Variants in AGMO observed in about 807,000 individuals in gnomAD.
AGMO encodes the protein glyceryl-ether monooxygenase.
In AGMO, 75 loss-of-function variants were observed where a neutral mutation model predicts 60.2. The observed-to-expected ratio is 1.25, with a 90% confidence interval of 1.03 to 1.51. The LOEUF is 1.51. AGMO is among the 40% of genes most tolerant of loss of function. The pLI is 0.00. For missense variants in AGMO, 763 were observed against 525.5 expected, an observed-to-expected ratio of 1.45 and a Z score of -4.42; for synonymous variants, 261 against 177.1, an observed-to-expected ratio of 1.47 and a Z score of -3.76.
chr7:15,177,871 T>G, the AGMO span, among the ~76,000 whole-genome samples: 3 of 152,174 alleles, frequency 2.0e-5, no homozygotes, highest in Non-Finnish European at 4.4e-5. Context: ...GAGTGTTTAC[T>G]ACATAATGAT....
chr7:15,417,236 G>GA (rs1346978856), intron 5 of AGMO, among the ~76,000 whole-genome samples: 1 of 152,122 alleles, frequency 6.6e-6, no homozygotes, highest in Non-Finnish European at 1.5e-5. Flanking sequence ...CATTGCTTTT[G>GA]AAGTGGAAAT....
intron 12 of AGMO, among the ~76,000 whole-genome samples, chr7:15,265,095 G>C (rs1252479772): frequency 6.6e-6 from 1 of 152,056 alleles, no homozygotes; most frequent in Non-Finnish European, 1.5e-5. Context: ...GGAATACTAT[G>C]CAACTATTAA....
rs1320338701 is a variant in AGMO, at chr7:15,394,091, A to G, written c.676+22T>C. The G allele has an allele frequency of 6.4e-6, 10 of 1,567,874 alleles. No homozygotes were observed. In the Middle Eastern group the frequency reaches 5.0e-4, roughly 79 times the overall value. Reference sequence around the variant, plus strand: ...ATTTTTAGAGAAATGAAGAAAAGAGAGAAGAAACAAAACTTCCTTACCATG... The same window carrying G: ...ATTTTTAGAGAAATGAAGAAAAGAGGGAAGAAACAAAACTTCCTTACCATG... On this transcript the variant is annotated intron_variant, in intron 6 of 12. Transcript: ENST00000342526.
the AGMO span, among the ~76,000 whole-genome samples, chr7:15,125,267 T>C: frequency 6.6e-6 from 1 of 152,104 alleles, no homozygotes; most frequent in Non-Finnish European, 1.5e-5. Flanking sequence ...GAGTTTGCCC[T>C]CAGAGCACAG....
intron 3 of AGMO, among the ~76,000 whole-genome samples, chr7:15,517,793 A>T (rs1406814085): frequency 6.6e-6 from 1 of 151,736 alleles, no homozygotes; most frequent in East Asian, 1.9e-4. Flanking sequence ...TTTGTACCCC[A>T]GTGGTGCCTG....
downstream of AGMO, among the ~76,000 whole-genome samples, chr7:15,198,257 C>CAGAGAGAGAGAGAGAGAGAGAGAGAGAG (rs1229360945): frequency 1.8e-5 from 1 of 56,534 alleles, no homozygotes; most frequent in Admixed American, 2.0e-4. Flanking sequence ...GAGAGAGAGA[C>CAGAGAGAGAGAGAGAGAGAGAGAGAGAG]AGAGACAGAG....
At chr7:15,511,245 T>C (rs953969196) in intron 3 of AGMO, among the ~76,000 whole-genome samples, 6 of 152,120 alleles carry the variant, frequency 3.9e-5, no homozygotes. Flanking sequence ...CAGGACCATG[T>C]AGACATGCCA....
chr7:15,444,805 C>T (rs1018377835), intron 3 of AGMO, among the ~76,000 whole-genome samples: 1 of 152,168 alleles, frequency 6.6e-6, no homozygotes, highest in African/African-American at 2.4e-5. Context: ...CTGCAGCTCT[C>T]TGTTGAACTC....
At chr7:15,507,448 A>G (rs2128528443) in intron 3 of AGMO, among the ~76,000 whole-genome samples, 1 of 152,240 alleles carries the variant, frequency 6.6e-6, no homozygotes, top group South Asian at 2.1e-4. Context: ...ATTACGTAGG[A>G]CAGAGGCATA....
At chr7:15,340,439 A>C (rs1781806145) in intron 12 of AGMO, among the ~76,000 whole-genome samples, 1 of 152,114 alleles carries the variant, frequency 6.6e-6, no homozygotes, top group South Asian at 2.1e-4. Flanking sequence ...TACATAACAA[A>C]TTTTGGGCTT....
chr7:15,165,394 T>C, the AGMO span, among the ~76,000 whole-genome samples: 1 of 152,130 alleles, frequency 6.6e-6, no homozygotes, highest in Non-Finnish European at 1.5e-5. Flanking sequence ...ATTAAAAAAT[T>C]CTGAAAGTTA....
chr7:15,417,251 C>G (rs1780798781), intron 5 of AGMO, among the ~76,000 whole-genome samples: 2 of 152,088 alleles, frequency 1.3e-5, no homozygotes, highest in African/African-American at 4.8e-5. Context: ...GGAAATGAAG[C>G]CACTTGGAGG....
In AGMO at chr7:15,431,210, G is replaced by C. The variant is rs1304795409; in HGVS notation, c.410-102C>G. ...CTGTTGAGTGAGGAAGAAAAATCTGGAACATCTCTGTAAAAGCTGGCCAAT... is the reference window on the plus strand; with the variant it reads ...CTGTTGAGTGAGGAAGAAAAATCTGCAACATCTCTGTAAAAGCTGGCCAAT... On this transcript the variant is annotated intron_variant, in intron 3 of 12. Transcript: ENST00000342526. 12 of 755,628 alleles carry C rather than the reference G, an allele frequency of 1.6e-5. No homozygotes were observed. The East Asian group carries it at 2.7e-4, about 17-fold the overall frequency. 46.8% of individuals were successfully genotyped at this position (755,628 alleles called of 1,614,324 possible).
the AGMO span, among the ~76,000 whole-genome samples, chr7:15,189,082 T>A: frequency 2.6e-5 from 4 of 152,124 alleles, no homozygotes; most frequent in East Asian, 7.7e-4. Flanking sequence ...TTTTAAAATA[T>A]TTTGAAGGAT....
chr7:15,146,497 CA>C, the AGMO span, among the ~76,000 whole-genome samples: 1 of 150,634 alleles, frequency 6.6e-6, no homozygotes, highest in Non-Finnish European at 1.5e-5. Context: ...TTTGTCTAGA[CA>C]AAGGAAGCAA....
chr7:15,136,826 A>G, the AGMO span, among the ~76,000 whole-genome samples: 3 of 151,902 alleles, frequency 2.0e-5, no homozygotes, highest in Admixed American at 1.3e-4. Context: ...TCTCTTGTCA[A>G]GTTTTCCCCC....
At chr7:15,473,481 T>C (rs1782510589) in intron 3 of AGMO, among the ~76,000 whole-genome samples, 1 of 151,630 alleles carries the variant, frequency 6.6e-6, no homozygotes, top group African/African-American at 2.4e-5. Context: ...CTGCTGAACA[T>C]CAATGTGAAT....
chr7:15,355,017 G>C (rs1782467870), intron 12 of AGMO, among the ~76,000 whole-genome samples: 2 of 152,012 alleles, frequency 1.3e-5, no homozygotes, highest in South Asian at 4.2e-4. Context: ...TAAATATTTG[G>C]CCTATTGAAG....
At chr7:15,493,665 G>A (rs1457033738) in intron 3 of AGMO, among the ~76,000 whole-genome samples, 1 of 151,902 alleles carries the variant, frequency 6.6e-6, no homozygotes, top group Non-Finnish European at 1.5e-5. Context: ...GTGAGCCACC[G>A]CGCCCGGCCC....
Sources: gnomAD v4.1 joint callset for allele counts (sites outside exome capture counted in the v4.1 genomes callset) on GRCh38, gnomAD v4.1.1 for gene constraint, MANE v1.5 for transcripts, NCBI Gene and HGNC (gene_info 2026-07-23, HGNC 2026-07-21) for gene names.